Variants in NADK2 observed in about 807,000 individuals in gnomAD.
NADK2 encodes NAD kinase domain-containing protein 1, mitochondrial.
Under a neutral mutation model 62.1 loss-of-function variants are expected in NADK2, and 35 were observed. The observed-to-expected ratio is 0.56, with a 90% CI of 0.43 to 0.75. The LOEUF is 0.75. Among genes scored for constraint, NADK2 ranks in the 30% least tolerant of loss-of-function variants. The pLI, the probability that NADK2 is intolerant of heterozygous loss-of-function variation, is 0.00. For missense variants in NADK2, 439 were observed against 561.3 expected, an observed-to-expected ratio of 0.78 and a Z score of 2.20; for synonymous variants, 205 against 207.9, an observed-to-expected ratio of 0.99 and a Z score of 0.12.
At chr5:36,236,851 T>C (rs1747925429) in intron 1 of NADK2, among the ~76,000 whole-genome samples, 2 of 138,022 alleles carry the variant, frequency 1.4e-5, no homozygotes, top group African/African-American at 2.7e-5. Flanking sequence ...GAGAGAGTAA[T>C]GTCTGAGCTT....
At chr5:36,195,345 G>A in intron 11 of NADK2, 63 bp from the exon 12 acceptor site, 1 of 1,479,528 alleles carries the variant, frequency 6.8e-7, no homozygotes, top group East Asian at 2.6e-5. Flanking sequence ...TTTTAATCCT[G>A]AATTTTAACC....
chr5:36,198,040 T>C (rs1301491089), intron 10 of NADK2, among the ~76,000 whole-genome samples: 1 of 152,010 alleles, frequency 6.6e-6, no homozygotes, highest in Non-Finnish European at 1.5e-5. Context: ...CTTTCCAAAA[T>C]ACCATGTCAA....
intron 6 of NADK2, among the ~76,000 whole-genome samples, chr5:36,217,324 A>C (rs1476077841): frequency 6.6e-6 from 1 of 152,188 alleles, no homozygotes; most frequent in African/African-American, 2.4e-5. Context: ...CAAATACTTC[A>C]AGCACAAATC....
At chr5:36,221,201 G>A (rs749524502) in intron 4 of NADK2, 1 of 152,320 alleles carries the variant, frequency 6.6e-6, no homozygotes, top group East Asian at 1.9e-4. Context: ...GCTCGGTAGA[G>A]TGGCTATAGA....
At chr5:36,235,953 A>T (rs1257407141) in intron 1 of NADK2, among the ~76,000 whole-genome samples, 2 of 151,600 alleles carry the variant, frequency 1.3e-5, no homozygotes, top group Non-Finnish European at 2.9e-5. Context: ...ACACTTGCTG[A>T]TATTTTGAAA....
intron 1 of NADK2, among the ~76,000 whole-genome samples, chr5:36,240,621 A>G (rs911025773): frequency 2.6e-5 from 4 of 152,204 alleles, no homozygotes; most frequent in African/African-American, 9.7e-5. Context: ...GTATGGGATC[A>G]GAAACTGTTT....
In NADK2 at chr5:36,197,062, T is replaced by G. The variant is rs114512354; in HGVS notation, c.1190+479A>C. Among the ~76,000 whole-genome samples the G allele has an allele frequency of 7.5e-3, 1,139 of 152,050 alleles. 16 individuals are homozygous for G. The highest frequency in any genetic ancestry group is 0.025 in the African/African-American group (1,055 of 41,494). ...AAATTACATCCACTTTTTTATATCC[T>G]CTCTCCCCAAAAATAAAATGAAGCA... is the stretch of plus-strand genomic sequence containing the variant. On this transcript the variant is annotated intron_variant, in intron 11 of 11. Transcript: ENST00000381937.
At chr5:36,204,064 T>C (rs1296822704) in intron 8 of NADK2, among the ~76,000 whole-genome samples, 2 of 152,158 alleles carry the variant, frequency 1.3e-5, no homozygotes, top group African/African-American at 4.8e-5. Context: ...TTGGCCTAAA[T>C]ATTTATCCTT....
rs529324000 is a variant in NADK2 at position 36,205,428 on chromosome 5, CA to C, written c.956+1741del. 1.1e-3 allele frequency among the ~76,000 whole-genome samples: 172 copies of C among 152,084 alleles called. No homozygotes were observed. The highest frequency in any genetic ancestry group is 3.9e-3 in the African/African-American group (162 of 41,498). ...GCAAAAATAAAAAGCCAAGCGAGAA[CA>C]AAAAGTGTGCTGAGAATTGCAAGTA... is the stretch of plus-strand genomic sequence containing the variant. On this transcript the variant is annotated intron_variant, in intron 8 of 11. Coordinates refer to ENST00000381937, the MANE Select transcript of NADK2 (RefSeq NM_001085411.3). The surrounding 1 kb of genome is among the most constrained non-coding windows in gnomAD (Gnocchi z 4.1).
rs1225292777 is a variant in NADK2, at chr5:36,228,794, A to AT, written c.301-1230dup. On this transcript the variant is annotated intron_variant, in intron 1 of 11. Transcript: ENST00000381937. ...CCACCACAACCAGCTAATTTATTTTATTTTTTTTTTTGGTAGAAATGGGGT... is the reference window on the plus strand; with the variant it reads ...CCACCACAACCAGCTAATTTATTTTATTTTTTTTTTTTGGTAGAAATGGGGT... Among the ~76,000 whole-genome samples the AT allele has an allele frequency of 6.1e-4, 89 of 145,606 alleles. 1 individual carries two copies. The highest frequency in any genetic ancestry group is 6.1e-3 in the South Asian group (28 of 4,628).
chr5:36,241,494 C>A lies in NADK2; in HGVS notation c.300+5G>T. On this transcript the variant is annotated splice_donor_5th_base_variant and intron_variant, in intron 1 of 11. Coordinates refer to ENST00000381937, the MANE Select transcript of NADK2 (RefSeq NM_001085411.3). This position sits in a 1 kb window ranked among gnomAD's most constrained non-coding sequence, Gnocchi z 4.9. ...GGAGCGAAGCGGGGCCGAGCCAGGACCCACCAGCTGCTTCAGGTCCTCCTC... is the reference window on the plus strand; with the variant it reads ...GGAGCGAAGCGGGGCCGAGCCAGGAACCACCAGCTGCTTCAGGTCCTCCTC... 1 of 1,544,358 alleles carries A rather than the reference C, an allele frequency of 6.5e-7. No homozygotes were observed. The highest frequency in any genetic ancestry group is 8.7e-7 in the Non-Finnish European group (1 of 1,153,976).
chr5:36,225,702 T>C (rs1487987975), intron 3 of NADK2, 79 bp from the exon 4 acceptor site: 3 of 1,322,256 alleles, frequency 2.3e-6, no homozygotes, highest in East Asian at 4.6e-5. Context: ...TGAAAATCAG[T>C]AGTTTTAACA....
intron 4 of NADK2, among the ~76,000 whole-genome samples, chr5:36,222,104 A>C (rs1013397417): frequency 6.6e-6 from 1 of 152,270 alleles, no homozygotes; most frequent in Non-Finnish European, 1.5e-5. Context: ...AAAGAGAAAA[A>C]GAAACAGAAA....
intron 2 of NADK2, 62 bp from the exon 3 acceptor site, chr5:36,226,625 G>A: frequency 4.3e-6 from 5 of 1,172,228 alleles, no homozygotes; most frequent in Non-Finnish European, 6.2e-6. Flanking sequence ...ACAGGGGTAT[G>A]TTTTCTGAGA....
chr5:36,195,380 T>A, intron 11 of NADK2, 98 bp from the exon 12 acceptor site: 1 of 1,277,872 alleles, frequency 7.8e-7, no homozygotes, highest in Non-Finnish European at 1.1e-6. Flanking sequence ...GCCTCCATTT[T>A]AAAAATCAAG....
intron 1 of NADK2, among the ~76,000 whole-genome samples, chr5:36,231,292 G>T (rs10941281): frequency 0.3 from 44,963 of 152,122 alleles, 8,015 homozygotes; most frequent in South Asian, 0.45. Context: ...TTCTATGATT[G>T]CTAACAATAA....
Position 36,241,859 on chromosome 5 carries a change from CG to C in NADK2, c.-62del, listed in dbSNP as rs1748151367. On this transcript the variant is annotated 5_prime_UTR_variant, in exon 1 of 12. Transcript: ENST00000381937. This position sits in a 1 kb window ranked among gnomAD's most constrained non-coding sequence, Gnocchi z 4.9. Reference sequence around the variant, plus strand: ...GCCCCTTGCCTCAGCTCCCTACCGCCGGGAGTGCGCGCCGTCCGCGCCGCCC... The same window carrying C: ...GCCCCTTGCCTCAGCTCCCTACCGCCGGAGTGCGCGCCGTCCGCGCCGCCC... The C allele has an allele frequency of 2.6e-6, 3 of 1,164,294 alleles. No individual in the cohort carries two copies. Among genetic ancestry groups the C allele is most frequent in the South Asian group, 2.8e-5 (1 of 35,942 alleles). The allele number at this position is 1,164,294 out of a possible 1,614,324, so 72.1% of individuals were successfully genotyped here.
chr5:36,219,678 A>C lies in NADK2; in HGVS notation c.562T>G (p.Ser188Ala), dbSNP rs768378922. 3 of 1,612,100 alleles carry C rather than the reference A, an allele frequency of 1.9e-6. No individual in the cohort carries two copies. The highest frequency in any genetic ancestry group is 2.5e-6 in the Non-Finnish European group (3 of 1,179,320). ...ACGGGCAGGCATAAATGACCCTCAG[A>C]CCTATATTTTAACAGGAATTTTTTG... ...VIGVNTDPER[S>A]EGHLCLPVRY... Residue 188 changes from serine to alanine, a missense_variant and splice_region_variant, in exon 5 of 12, where the codon TCT (serine) becomes GCT (alanine). Coordinates refer to ENST00000381937, the MANE Select transcript of NADK2 (RefSeq NM_001085411.3).
At chr5:36,197,230 C>T (rs1166431755) in intron 11 of NADK2, among the ~76,000 whole-genome samples, 3 of 151,936 alleles carry the variant, frequency 2.0e-5, no homozygotes, top group Admixed American at 6.6e-5. Flanking sequence ...AAGGGGCTTT[C>T]TATTCAGCTT....
Sources: gnomAD v4.1 joint callset for allele counts (sites outside exome capture counted in the v4.1 genomes callset) on GRCh38, gnomAD v4.1.1 for gene constraint, Gnocchi (gnomAD v3.1) non-coding constraint, MANE v1.5 for transcripts, NCBI Gene and HGNC (gene_info 2026-07-23, HGNC 2026-07-21) for gene names.